LMF1: variants seen among roughly 807,000 people sequenced by gnomAD.
The protein encoded by LMF1 is lipase maturation factor 1.
LMF1 carries 68 observed loss-of-function variants against 60.6 expected under a neutral mutation model. That is an observed-to-expected ratio of 1.12 (90% CI 0.92 to 1.37). The LOEUF is 1.37. Among genes scored for constraint, LMF1 ranks in the 40% most tolerant of loss-of-function variants. The pLI, the probability that LMF1 is intolerant of heterozygous loss-of-function variation, is 0.00. For synonymous variants in LMF1, 418 were observed against 324.7 expected (o/e 1.29, Z -3.09); for missense variants, 948 against 767.2 (o/e 1.24, Z -2.78).
chr16:914,270 G>A (rs762603651), intron 3 of LMF1, among the ~76,000 whole-genome samples: 1 of 152,078 alleles, frequency 6.6e-6, no homozygotes, highest in Non-Finnish European at 1.5e-5. Flanking sequence ...GGGGACTGCA[G>A]GTTGCTTCAG....
intron 3 of LMF1, among the ~76,000 whole-genome samples, chr16:920,189 C>T (rs1298718857): frequency 2.0e-5 from 3 of 150,984 alleles, no homozygotes; most frequent in Non-Finnish European, 4.4e-5. Context: ...ACATGACATC[C>T]ACACTGGCCC....
At chr16:952,279 G>A (rs1373841919) in intron 2 of LMF1, among the ~76,000 whole-genome samples, 3 of 150,674 alleles carry the variant, frequency 2.0e-5, no homozygotes, top group South Asian at 4.2e-4. Flanking sequence ...CCTTACAAGT[G>A]CCCACTCCAG....
chr16:981,261 A>C (rs1039868312), exon 1 of LMF1: 1 of 450,944 alleles, frequency 2.2e-6, no homozygotes, highest in Non-Finnish European at 4.4e-6. Flanking sequence ...CCTGCGGGCG[A>C]GACCTCAGGC....
chr16:859,209 TCGGGACGGGTGTGCAGTGGTGTCA>T (rs2069338027), intron 10 of LMF1, among the ~76,000 whole-genome samples: 6 of 43,314 alleles, frequency 1.4e-4, no homozygotes, highest in East Asian at 7.1e-4. Context: ...GAGTGGTGTC[TCGGGACGGGTGTGCAGTGGTGTCA>T]CGGGACGGGT....
At chr16:868,586 C>T (rs2069677051) in intron 10 of LMF1, among the ~76,000 whole-genome samples, 1 of 152,198 alleles carries the variant, frequency 6.6e-6, no homozygotes, top group Admixed American at 6.5e-5. Context: ...AGTGAGGGCC[C>T]TGCCTGTCCT....
intron 10 of LMF1, among the ~76,000 whole-genome samples, chr16:867,659 G>T (rs1353838972): frequency 2.0e-5 from 3 of 152,188 alleles, no homozygotes; most frequent in African/African-American, 7.2e-5. Context: ...TCACAGGAAG[G>T]TGGCCCTGAG....
At chr16:909,299 C>T (rs1427415615) in intron 4 of LMF1, among the ~76,000 whole-genome samples, 3 of 152,068 alleles carry the variant, frequency 2.0e-5, no homozygotes, top group African/African-American at 4.8e-5. Flanking sequence ...GACAGAGCCC[C>T]GAGCTGAACG....
At chr16:889,381 C>CGGACGGCCGTGGGTGTGAGGCTGT (rs2070410647) in intron 5 of LMF1, among the ~76,000 whole-genome samples, 2 of 147,694 alleles carry the variant, frequency 1.4e-5, no homozygotes, top group African/African-American at 5.1e-5. Context: ...TGTGAGGCTG[C>CGGACGGCCGTGGGTGTGAGGCTGT]GGATGGCCGT....
At chr16:932,054 C>T (rs943879562) in intron 3 of LMF1, among the ~76,000 whole-genome samples, 2 of 152,228 alleles carry the variant, frequency 1.3e-5, no homozygotes, top group South Asian at 2.1e-4. Context: ...ATGCAGACCC[C>T]GTTGCTTTTG....
Position 869,902 on chromosome 16 carries a change from AT to A in LMF1, c.1396del (p.Met466CysfsTer87). The A allele has an allele frequency of 6.2e-7, 1 of 1,612,686 alleles. No homozygotes were observed. Among genetic ancestry groups the A allele is most frequent in the Non-Finnish European group, 8.5e-7 (1 of 1,179,794 alleles). ...SPYHYRLDWL[M>X]WFAAFQTYEH... ...CCCCACCTGGAAGGCCGCGAACCAC[AT>A]CAGCCAGTCCAGGCGGTAGTGGTAC... On this transcript the variant is annotated frameshift_variant, in exon 9 of 11. Transcript: ENST00000262301. LOFTEE classifies it high-confidence loss of function.
chr16:909,756 C>T (rs1474296077), intron 4 of LMF1, among the ~76,000 whole-genome samples: 1 of 152,242 alleles, frequency 6.6e-6, no homozygotes. Context: ...AGCCGCCCAG[C>T]ACTCGGGCCC....
At chr16:949,037 T>A (rs2072349625) in intron 2 of LMF1, among the ~76,000 whole-genome samples, 2 of 124,636 alleles carry the variant, frequency 1.6e-5, no homozygotes, top group Admixed American at 8.2e-5. Context: ...AATGACAGAG[T>A]CAGCCAACGA....
chr16:929,349 G>C (rs1567259005), intron 3 of LMF1, among the ~76,000 whole-genome samples: 1 of 152,238 alleles, frequency 6.6e-6, no homozygotes, highest in African/African-American at 2.4e-5. Flanking sequence ...ATGGGGGACG[G>C]GGACCACGCT....
rs1055718780 is a variant in LMF1 at position 894,932 on chromosome 16, C to G, written c.664-1860G>C. ...GAGGCCAGCCTCGGCCCGGACAGAG[C>G]TGACAGGGCTGTCCTGGGCAGGGAG... On this transcript the variant is annotated intron_variant, in intron 4 of 10. Transcript: ENST00000262301. Among the ~76,000 whole-genome samples the G allele has an allele frequency of 5.9e-5, 9 of 152,126 alleles. 1 individual carries two copies. The highest frequency in any genetic ancestry group is 2.6e-4 in the Admixed American group (4 of 15,286).
chr16:877,974 G>A (rs902130946), intron 6 of LMF1, among the ~76,000 whole-genome samples: 12 of 152,016 alleles, frequency 7.9e-5, no homozygotes, highest in South Asian at 2.1e-4. Context: ...GCCTACAAAC[G>A]CGCGTGGGGT....
At chr16:858,982 GGTGTGCAGTGGTGTCACGGGACGC>G (rs1555439660) in intron 10 of LMF1, among the ~76,000 whole-genome samples, 135 of 10,772 alleles carry the variant, frequency 0.013, no homozygotes, top group East Asian at 0.02. Flanking sequence ...TCACGGGACG[GGTGTGCAGTGGTGTCACGGGACGC>G]GTGTGCAGTG....
intron 4 of LMF1, among the ~76,000 whole-genome samples, chr16:909,867 G>A (rs917650830): frequency 3.3e-5 from 5 of 152,258 alleles, no homozygotes; most frequent in Admixed American, 6.5e-5. Context: ...TGGCCGAGAC[G>A]GCGGCACACT....
rs1219584497 is a variant in LMF1 at position 853,938 on chromosome 16, T to C, written c.*594A>G. On this transcript the variant is annotated 3_prime_UTR_variant, in exon 11 of 11. Transcript: ENST00000262301. ...CACAGGCTGTGTGTGCCTGCATGTG[T>C]GGGATGCGTGTAGGCTGTGGCGGGG... 3 of 453,766 alleles carry C rather than the reference T, an allele frequency of 6.6e-6. No individual in the cohort carries two copies. The highest frequency in any genetic ancestry group is 1.3e-5 in the Non-Finnish European group (3 of 226,740). The allele number at this position is 453,766 out of a possible 1,614,324, so 28.1% of individuals were successfully genotyped here. A position where few individuals can be genotyped will look rare whatever the true frequency, so the allele number is the denominator to read the frequency against.
chr16:896,278 G>A (rs2070658893), intron 4 of LMF1, among the ~76,000 whole-genome samples: 1 of 152,088 alleles, frequency 6.6e-6, no homozygotes, highest in South Asian at 2.1e-4. Context: ...GGGGTTGTGA[G>A]GCTCAGCCAC....
Sources: gnomAD v4.1 joint callset for allele counts (sites outside exome capture counted in the v4.1 genomes callset) on GRCh38, gnomAD v4.1.1 for gene constraint, MANE v1.5 for transcripts, NCBI Gene and HGNC (gene_info 2026-07-23, HGNC 2026-07-21) for gene names.